Variants in CYRIB observed in about 807,000 individuals in gnomAD.
CYRIB encodes the protein CYFIP related Rac1 interactor B.
A neutral mutation model predicts 44.2 loss-of-function variants in CYRIB; 8 were observed. The ratio of observed to expected loss-of-function variants is 0.18; its 90% CI spans 0.11 to 0.33. The LOEUF is 0.33. Ranked by LOEUF, CYRIB falls within the 10% of genes least tolerant of loss-of-function variation. The pLI is 1.00. For missense variants in CYRIB, 185 were observed against 382.8 expected, an observed-to-expected ratio of 0.48 and a Z score of 4.31; for synonymous variants, 131 against 127.2, an observed-to-expected ratio of 1.03 and a Z score of -0.20.
chr8:129,997,500 G>A (rs2096801601), intron 1 of CYRIB, among the ~76,000 whole-genome samples: 1 of 152,246 alleles, frequency 6.6e-6, no homozygotes, highest in Admixed American at 6.5e-5. Flanking sequence ...TGCGTTTTCA[G>A]TCATGAATGT....
intron 1 of CYRIB, among the ~76,000 whole-genome samples, chr8:129,926,047 G>C (rs2087525407): frequency 6.6e-6 from 1 of 152,180 alleles, no homozygotes; most frequent in Admixed American, 6.5e-5. Flanking sequence ...GCTCTCTTTT[G>C]AACACCCACA....
intron 1 of CYRIB, among the ~76,000 whole-genome samples, chr8:130,004,182 C>G (rs1446378133): frequency 6.6e-6 from 1 of 152,174 alleles, no homozygotes; most frequent in Non-Finnish European, 1.5e-5. Context: ...GGTAACACCC[C>G]CACTGGGTAT....
intron 2 of CYRIB, among the ~76,000 whole-genome samples, chr8:129,957,189 T>A (rs957293930): frequency 3.3e-5 from 5 of 152,126 alleles, no homozygotes; most frequent in Admixed American, 6.5e-5. Context: ...TCCTCAGACC[T>A]TTCTCATGTT....
intron 1 of CYRIB, among the ~76,000 whole-genome samples, chr8:129,987,279 T>C (rs2096490115): frequency 6.6e-6 from 1 of 152,224 alleles, no homozygotes. Flanking sequence ...TGATCTTTTC[T>C]AGATTTAAGC....
intron 4 of CYRIB, 37 bp from the exon 7 acceptor site, chr8:129,862,371 A>T (rs1457511795): frequency 6.9e-7 from 1 of 1,440,478 alleles, no homozygotes; most frequent in Non-Finnish European, 9.6e-7. Context: ...TTAGAGTTAA[A>T]AAAAAAAAAA....
chr8:129,917,135 T>C (rs961276129), intron 1 of CYRIB, among the ~76,000 whole-genome samples: 1 of 152,210 alleles, frequency 6.6e-6, no homozygotes. Flanking sequence ...GTGGCAGATA[T>C]TGTACTAGGT....
chr8:129,897,445 A>G lies in CYRIB; in HGVS notation c.-11+5867T>C, dbSNP rs137874041. 2.6e-3 allele frequency among the ~76,000 whole-genome samples: 403 copies of G among 152,170 alleles called. 2 individuals are homozygous for G. The highest frequency in any genetic ancestry group is 8.0e-3 in the African/African-American group (332 of 41,500). On this transcript the variant is annotated intron_variant, in intron 2 of 11. Transcript: ENST00000519824. ...ATTCTCTTTGGCCTCCTAGAAATAA[A>G]CTAAACACAATCCCTGTGCTACTTA...
chr8:129,975,125 C>T (rs889374408), intron 1 of CYRIB, among the ~76,000 whole-genome samples: 1 of 152,134 alleles, frequency 6.6e-6, no homozygotes, highest in African/African-American at 2.4e-5. Flanking sequence ...AGAATCCGCC[C>T]ACCTCAGCCT....
chr8:129,896,901 G>C (rs2068354615), intron 2 of CYRIB: 1 of 152,210 alleles, frequency 6.6e-6, no homozygotes, highest in South Asian at 2.1e-4. Context: ...TAGAAGTAAA[G>C]TGTCATTCCT....
At chr8:129,879,505 C>T (rs2133888418) in intron 2 of CYRIB, 34 bp from the exon 5 acceptor site, 2 of 1,428,250 alleles carry the variant, frequency 1.4e-6, no homozygotes, top group East Asian at 2.3e-5. Flanking sequence ...GAGAAAATAT[C>T]CCTTTATAAA....
chr8:129,967,824 T>C, intron 2 of CYRIB, among the ~76,000 whole-genome samples: 1 of 152,242 alleles, frequency 6.6e-6, no homozygotes, highest in East Asian at 1.9e-4. Flanking sequence ...GATTGGAAGA[T>C]GTCTGAAAGG....
At chr8:129,856,162 A>C (rs1425193130) in intron 5 of CYRIB, among the ~76,000 whole-genome samples, 1 of 152,228 alleles carries the variant, frequency 6.6e-6, no homozygotes, top group Non-Finnish European at 1.5e-5. Context: ...CACTGTCTGT[A>C]TATGCCTATG....
chr8:129,849,678 C>T (rs926549754), intron 9 of CYRIB: 3 of 214,926 alleles, frequency 1.4e-5, no homozygotes, highest in African/African-American at 7.0e-5. Flanking sequence ...CAATGAGATC[C>T]CCAGAGATAT....
intron 1 of CYRIB, among the ~76,000 whole-genome samples, chr8:129,905,635 G>A (rs1037359306): frequency 9.9e-5 from 15 of 152,132 alleles, no homozygotes; most frequent in East Asian, 1.9e-4. Flanking sequence ...TTTTTCTGCC[G>A]AAGATAAAAC....
At chr8:129,964,114 C>A (rs2095381354) in intron 2 of CYRIB, among the ~76,000 whole-genome samples, 1 of 152,166 alleles carries the variant, frequency 6.6e-6, no homozygotes, top group Admixed American at 6.5e-5. Context: ...CAATAAAAAG[C>A]ACCTCTGGGA....
chr8:129,932,682 T>G (rs946577078), intron 1 of CYRIB, among the ~76,000 whole-genome samples: 6 of 152,186 alleles, frequency 3.9e-5, no homozygotes, highest in African/African-American at 1.4e-4. Context: ...AGCTTGCAAG[T>G]AGGATAAAAT....
chr8:129,871,142 C>T (rs2057010851), intron 4 of CYRIB, among the ~76,000 whole-genome samples: 1 of 152,098 alleles, frequency 6.6e-6, no homozygotes, highest in Admixed American at 6.6e-5. Flanking sequence ...ATAAGAGCAA[C>T]CCAAAAAGTA....
intron 1 of CYRIB, among the ~76,000 whole-genome samples, chr8:129,987,370 A>T (rs1169841122): frequency 6.6e-6 from 1 of 152,060 alleles, no homozygotes; most frequent in Non-Finnish European, 1.5e-5. Flanking sequence ...GCTGGTTGCT[A>T]CTAGGTCCCA....
intron 2 of CYRIB, among the ~76,000 whole-genome samples, chr8:129,899,667 T>C (rs560093254): frequency 2.2e-4 from 33 of 152,194 alleles, no homozygotes; most frequent in Admixed American, 1.4e-3. Context: ...ATGCATAACA[T>C]AGTAAACTAT....
Sources: gnomAD v4.1 joint callset for allele counts (sites outside exome capture counted in the v4.1 genomes callset) on GRCh38, gnomAD v4.1.1 for gene constraint, MANE v1.5 for transcripts, NCBI Gene and HGNC (gene_info 2026-07-23, HGNC 2026-07-21) for gene names.